The following RPH3A variants were observed in gnomAD, a reference collection of about 807,000 sequenced individuals.
The protein encoded by RPH3A is rabphilin 3A.
Under a neutral mutation model 102.2 loss-of-function variants are expected in RPH3A, and 48 were observed. That is an observed-to-expected ratio of 0.47 (90% CI 0.37 to 0.60). RPH3A has a LOEUF of 0.60. RPH3A is among the 20% of genes least tolerant of loss of function. The probability of loss-of-function intolerance (pLI) is 0.00; values close to 1 mark genes in which losing one functional copy is unlikely to be tolerated. For synonymous variants in RPH3A, 310 were observed against 324.3 expected (o/e 0.96, Z 0.47); for missense variants, 781 against 910.1 (o/e 0.86, Z 1.83).
chr12:112,643,629 G>T (rs970321900), intron 1 of RPH3A, among the ~76,000 whole-genome samples: 1 of 152,214 alleles, frequency 6.6e-6, no homozygotes, highest in African/African-American at 2.4e-5. Flanking sequence ...CTTCATGTTC[G>T]TGTCAGCCTG....
intron 21 of RPH3A, among the ~76,000 whole-genome samples, chr12:112,896,416 A>G (rs1157958979): frequency 3.9e-5 from 6 of 152,188 alleles, no homozygotes; most frequent in African/African-American, 1.4e-4. Context: ...AAAAATAGAC[A>G]GTGAAATTAT....
intron 1 of RPH3A, among the ~76,000 whole-genome samples, chr12:112,704,520 G>A (rs2040415863): frequency 1.3e-5 from 2 of 152,174 alleles, no homozygotes; most frequent in Non-Finnish European, 2.9e-5. Context: ...AGTAGGTGGT[G>A]TGAGTGGTTT....
chr12:112,697,987 A>G (rs1048414544), intron 1 of RPH3A, among the ~76,000 whole-genome samples: 1 of 152,212 alleles, frequency 6.6e-6, no homozygotes, highest in Non-Finnish European at 1.5e-5. Context: ...AATAAGTTGG[A>G]GGATTCATAC....
chr12:112,841,563 C>G (rs1212123670), intron 4 of RPH3A, among the ~76,000 whole-genome samples: 1 of 151,978 alleles, frequency 6.6e-6, no homozygotes, highest in Non-Finnish European at 1.5e-5. Flanking sequence ...AATGTAAACC[C>G]TATGATACAA....
In RPH3A at chr12:112,579,025, T is replaced by A. The variant is rs567865388; in HGVS notation, c.-140+3706T>A. 4.6e-5 allele frequency among the ~76,000 whole-genome samples: 7 copies of A among 152,262 alleles called. No homozygotes were observed. In the East Asian group the frequency reaches 1.2e-3, roughly 25 times the overall value. On this transcript the variant is annotated intron_variant, in intron 1 of 21. Coordinates refer to the RPH3A transcript ENST00000543106. The stretch of plus-strand genomic sequence containing the variant: ...TCTTCATCATAGGTTCCTCCGAAAA[T>A]CTGATTAAAGCTATCGTGCCTGGGA...
At chr12:112,693,190 T>G (rs1332300956) in intron 1 of RPH3A, among the ~76,000 whole-genome samples, 2 of 152,240 alleles carry the variant, frequency 1.3e-5, no homozygotes, top group African/African-American at 4.8e-5. Context: ...GACATTTCCT[T>G]CAGCAATTTC....
chr12:112,786,801 T>A (rs2041054924), upstream of RPH3A, among the ~76,000 whole-genome samples: 1 of 152,214 alleles, frequency 6.6e-6, no homozygotes, highest in Non-Finnish European at 1.5e-5. Flanking sequence ...TGGTTTCCTA[T>A]GCTGCTGTAA....
chr12:112,878,690 C>T (rs1381334962), intron 13 of RPH3A, among the ~76,000 whole-genome samples: 11 of 152,188 alleles, frequency 7.2e-5, no homozygotes, highest in Admixed American at 3.9e-4. Flanking sequence ...ATATGGATAA[C>T]GAGAAGGTGC....
intron 1 of RPH3A, among the ~76,000 whole-genome samples, chr12:112,694,172 A>T (rs12310340): frequency 0.016 from 2,392 of 152,244 alleles, 58 homozygotes; most frequent in African/African-American, 0.054. Context: ...GCTCTCTGTC[A>T]TCTTCCTTCG....
At chr12:112,793,481 C>T (rs373905857) in intron 2 of RPH3A, among the ~76,000 whole-genome samples, 2 of 152,314 alleles carry the variant, frequency 1.3e-5, no homozygotes, top group East Asian at 3.9e-4. Context: ...TCTCTAGCCC[C>T]ATAGCTAAGA....
At chr12:112,659,937 C>T (rs898242124) in intron 1 of RPH3A, among the ~76,000 whole-genome samples, 39 of 152,104 alleles carry the variant, frequency 2.6e-4, no homozygotes, top group Non-Finnish European at 5.9e-5. Context: ...AGTCATTTCT[C>T]CAAAAAGCCC....
chr12:112,878,994 C>A, intron 13 of RPH3A, 125 bp from the exon 14 acceptor site: 1 of 825,122 alleles, frequency 1.2e-6, no homozygotes, highest in Non-Finnish European at 2.0e-6. Flanking sequence ...ACAGCAAAAA[C>A]CGAGTTTTCT....
chr12:112,799,626 A>C (rs1367745973), intron 2 of RPH3A, among the ~76,000 whole-genome samples: 1 of 152,188 alleles, frequency 6.6e-6, no homozygotes, highest in Non-Finnish European at 1.5e-5. Flanking sequence ...CTAGACACAC[A>C]AAGGCCTTTC....
At chr12:112,597,230 C>T (rs893078318) in intron 1 of RPH3A, among the ~76,000 whole-genome samples, 4 of 152,092 alleles carry the variant, frequency 2.6e-5, no homozygotes, top group African/African-American at 2.4e-5. Context: ...CTTTATCTGT[C>T]CCGTTTTAAT....
intron 21 of RPH3A, 95 bp from the exon 22 acceptor site, chr12:112,896,555 C>A: frequency 6.9e-7 from 1 of 1,440,562 alleles, no homozygotes; most frequent in Non-Finnish European, 9.6e-7. Flanking sequence ...TGCTGGGGGT[C>A]ACTGCTTGGT....
chr12:112,738,643 T>G (rs1199255854), intron 1 of RPH3A, among the ~76,000 whole-genome samples: 1 of 152,122 alleles, frequency 6.6e-6, no homozygotes, highest in Non-Finnish European at 1.5e-5. Context: ...TGGTGTTTTT[T>G]GTTTGGGGAG....
chr12:112,783,707 A>G (rs1198533680), intron 1 of RPH3A, among the ~76,000 whole-genome samples: 2 of 152,212 alleles, frequency 1.3e-5, no homozygotes, highest in Non-Finnish European at 2.9e-5. Context: ...TTTACAGACA[A>G]TGAGGCTAAG....
chr12:112,825,260 A>G (rs1271346805), intron 2 of RPH3A, among the ~76,000 whole-genome samples: 1 of 152,198 alleles, frequency 6.6e-6, no homozygotes, highest in Non-Finnish European at 1.5e-5. Context: ...GATGATGTTA[A>G]CCACATGGGA....
At position 112,871,899 on chromosome 12, in the gene RPH3A, T is replaced by G. The variant is rs1046976943; in HGVS notation, c.796+1860T>G. Among the ~76,000 whole-genome samples, 3 of 150,748 alleles carry G rather than the reference T, an allele frequency of 2.0e-5. No homozygotes were observed. The South Asian group carries it at 6.2e-4, about 31-fold the overall frequency. On this transcript the variant is annotated intron_variant, in intron 10 of 21. Coordinates refer to ENST00000389385, the MANE Select transcript of RPH3A (RefSeq NM_001143854.2). Reference sequence around the variant, plus strand: ...ATGTATATATACATATATATAGTGGTGTGTGTGTATATATATATTATATAT... The same window carrying G: ...ATGTATATATACATATATATAGTGGGGTGTGTGTATATATATATTATATAT...
Sources: allele counts gnomAD v4.1 joint callset (sites outside exome capture counted in the v4.1 genomes callset), GRCh38; gene constraint gnomAD v4.1.1; transcripts MANE v1.5; gene names NCBI Gene and HGNC (gene_info 2026-07-23, HGNC 2026-07-21).